Variants in AKT3 observed in about 807,000 individuals in gnomAD.
AKT3 encodes AKT serine/threonine kinase 3.
AKT3 carries 15 observed loss-of-function variants against 65.3 expected under a neutral mutation model. The ratio of observed to expected loss-of-function variants is 0.23; its 90% CI spans 0.15 to 0.35. AKT3 has a LOEUF of 0.35. Among genes scored for constraint, AKT3 ranks in the 10% least tolerant of loss-of-function variants. The probability of loss-of-function intolerance (pLI) is 1.00; values close to 1 mark genes in which losing one functional copy is unlikely to be tolerated. For synonymous variants in AKT3, 206 were observed against 183.8 expected, an observed-to-expected ratio of 1.12 and a Z score of -0.98; for missense variants, 243 against 576.5, an observed-to-expected ratio of 0.42 and a Z score of 5.92.
rs115464164 is a variant in AKT3 at position 243,747,055 on chromosome 1, C to T, written c.47-51339G>A. On this transcript the variant is annotated intron_variant, in intron 2 of 13. Coordinates refer to ENST00000673466, the MANE Select transcript of AKT3 (RefSeq NM_005465.7). ...GATGGGAGCCCCTAAATAATGATGT[C>T]AAAGGGGTTTTTACATGCCCAGGAA... Among the ~76,000 whole-genome samples, 883 of 152,134 alleles carry T rather than the reference C, an allele frequency of 5.8e-3. 4 individuals carry two copies. Among genetic ancestry groups the T allele is most frequent in the African/African-American group, 0.021 (855 of 41,494 alleles).
chr1:243,550,711 C>T (rs1258960883), intron 11 of AKT3, among the ~76,000 whole-genome samples: 2 of 139,660 alleles, frequency 1.4e-5, no homozygotes, highest in East Asian at 2.2e-4. Context: ...TTTGGAAAGC[C>T]GAGGGGGGTG....
intron 3 of AKT3, among the ~76,000 whole-genome samples, chr1:243,680,115 C>CA (rs984596155): frequency 6.6e-6 from 1 of 152,052 alleles, no homozygotes; most frequent in African/African-American, 2.4e-5. Flanking sequence ...TGGCAGGTTT[C>CA]AAAAGCAGTG....
At position 243,513,255 on chromosome 1, in the gene AKT3, C is replaced by T. The variant is rs573198002; in HGVS notation, c.1252-829G>A. Among the ~76,000 whole-genome samples, 4 of 152,274 alleles carry T rather than the reference C, an allele frequency of 2.6e-5. No homozygotes were observed. The East Asian group carries it at 5.8e-4, about 22-fold the overall frequency. ...GGCTCCTGCTTCTCAGGGCTCTAGC[C>T]TTGAGGGACAGGTGGAACCCACAGG... On this transcript the variant is annotated intron_variant, in intron 12 of 13. Coordinates refer to ENST00000673466, the MANE Select transcript of AKT3 (RefSeq NM_005465.7).
intron 4 of AKT3, among the ~76,000 whole-genome samples, chr1:243,655,442 A>G (rs996547694): frequency 6.6e-6 from 1 of 151,658 alleles, no homozygotes; most frequent in Non-Finnish European, 1.5e-5. Flanking sequence ...ATATGATTCT[A>G]TTGTCTGTTT....
intron 9 of AKT3, 107 bp downstream of exon 9, chr1:243,572,819 C>A: frequency 8.3e-7 from 1 of 1,205,336 alleles, no homozygotes. Context: ...TGCTTTTTTC[C>A]CAACTAAATC....
Position 243,720,510 on chromosome 1 carries a change from T to C in AKT3, c.47-24794A>G, listed in dbSNP as rs906371390. Among the ~76,000 whole-genome samples the C allele has an allele frequency of 1.5e-4, 22 of 150,618 alleles. No homozygotes were observed. The South Asian group carries it at 4.6e-3, about 32-fold the overall frequency. Reference sequence around the variant, plus strand: ...TAATTAAAAGCTAAGTATAATATAATCTTCATGTGTTTTATCAATACTACA... The same window carrying C: ...TAATTAAAAGCTAAGTATAATATAACCTTCATGTGTTTTATCAATACTACA... On this transcript the variant is annotated intron_variant, in intron 2 of 13. Transcript: ENST00000673466.
chr1:243,638,882 G>A (rs1025776729), intron 5 of AKT3, among the ~76,000 whole-genome samples: 3 of 151,474 alleles, frequency 2.0e-5, no homozygotes, highest in African/African-American at 7.3e-5. Context: ...ACAGATCAGA[G>A]CAGAAATCAA....
intron 6 of AKT3, among the ~76,000 whole-genome samples, chr1:243,631,684 A>G (rs933575215): frequency 1.3e-5 from 2 of 152,206 alleles, no homozygotes; most frequent in Non-Finnish European, 2.9e-5. Flanking sequence ...CTGCTTATCC[A>G]CAGCACAACT....
chr1:243,608,151 C>T (rs184950018), intron 8 of AKT3, among the ~76,000 whole-genome samples: 3 of 152,280 alleles, frequency 2.0e-5, no homozygotes, highest in East Asian at 1.9e-4. Flanking sequence ...TAGCCTACTA[C>T]ACACCTGGGC....
At chr1:243,786,152 C>T (rs1439290180) in intron 2 of AKT3, among the ~76,000 whole-genome samples, 1 of 152,114 alleles carries the variant, frequency 6.6e-6, no homozygotes, top group Non-Finnish European at 1.5e-5. Context: ...TTAACAAAAA[C>T]ACAAGGGAAA....
intron 2 of AKT3, among the ~76,000 whole-genome samples, chr1:243,777,162 G>A (rs187267322): frequency 2.7e-4 from 41 of 152,260 alleles, no homozygotes; most frequent in Non-Finnish European, 5.0e-4. Context: ...AGACGGGGGC[G>A]GTGGGGAGTG....
intron 8 of AKT3, among the ~76,000 whole-genome samples, chr1:243,586,995 T>C (rs1354630192): frequency 2.0e-5 from 3 of 152,138 alleles, no homozygotes; most frequent in African/African-American, 4.8e-5. Flanking sequence ...ACAAAGCTCA[T>C]ATTCTTAATA....
At chr1:243,766,215 T>C (rs190623765) in intron 2 of AKT3, among the ~76,000 whole-genome samples, 70 of 152,304 alleles carry the variant, frequency 4.6e-4, no homozygotes, top group African/African-American at 1.6e-3. Flanking sequence ...GTATTACATA[T>C]ATGTGCACTG....
chr1:243,495,714 C>T (rs1009917646), downstream of AKT3, among the ~76,000 whole-genome samples: 8 of 152,294 alleles, frequency 5.3e-5, no homozygotes, highest in African/African-American at 1.7e-4. Context: ...CGGTCCTGCT[C>T]GAAGGCCGCG....
At chr1:243,807,768 C>A (rs4500298) in intron 2 of AKT3, among the ~76,000 whole-genome samples, 7,586 of 152,284 alleles carry the variant, frequency 0.05, 640 homozygotes, top group African/African-American at 0.17. Flanking sequence ...AGTAGCCTAA[C>A]TGGGAGGCAA....
chr1:243,744,483 T>TAA (rs1688350545), intron 2 of AKT3, among the ~76,000 whole-genome samples: 1 of 152,134 alleles, frequency 6.6e-6, no homozygotes, highest in Non-Finnish European at 1.5e-5. Context: ...CTCACGCCTG[T>TAA]AATCCCAGCA....
chr1:243,692,093 A>G (rs1684729167), intron 3 of AKT3, among the ~76,000 whole-genome samples: 1 of 152,236 alleles, frequency 6.6e-6, no homozygotes, highest in Non-Finnish European at 1.5e-5. Context: ...TACTAGACTT[A>G]CTGACAGGGT....
intron 2 of AKT3, among the ~76,000 whole-genome samples, chr1:243,703,516 T>A (rs1685595702): frequency 6.6e-6 from 1 of 152,022 alleles, no homozygotes; most frequent in South Asian, 2.1e-4. Context: ...ATCCCAGCAC[T>A]TTGGGAGGCT....
At chr1:243,750,443 G>GCACA (rs1558777220) in intron 2 of AKT3, among the ~76,000 whole-genome samples, 1 of 150,760 alleles carries the variant, frequency 6.6e-6, no homozygotes, top group African/African-American at 2.4e-5. Context: ...ACGCACGCAC[G>GCACA]CACACACGGT....
Sources: gnomAD v4.1 joint callset for allele counts (sites outside exome capture counted in the v4.1 genomes callset) on GRCh38, gnomAD v4.1.1 for gene constraint, MANE v1.5 for transcripts, NCBI Gene and HGNC (gene_info 2026-07-23, HGNC 2026-07-21) for gene names.